Variants in NT5DC1 observed in about 807,000 individuals in gnomAD.
NT5DC1 encodes 5'-nucleotidase domain containing 1.
NT5DC1 carries 42 observed loss-of-function variants against 59.4 expected under a neutral mutation model. The observed-to-expected ratio is 0.71, with a 90% CI of 0.55 to 0.92. NT5DC1 has a LOEUF of 0.92. Ranked by LOEUF, NT5DC1 falls within the 40% of genes least tolerant of loss-of-function variation. NT5DC1 has a pLI of 0.00. For synonymous variants in NT5DC1, 172 were observed against 188.1 expected (o/e 0.91, Z 0.70); for missense variants, 501 against 537.1 (o/e 0.93, Z 0.66).
chr6:116,130,281 T>A lies in NT5DC1; in HGVS notation c.529+12336T>A, dbSNP rs144027320. 2.0e-3 allele frequency among the ~76,000 whole-genome samples: 297 copies of A among 151,994 alleles called. 1 individual carries two copies. Among genetic ancestry groups the A allele is most frequent in the African/African-American group, 6.8e-3 (281 of 41,450 alleles). On this transcript the variant is annotated intron_variant, in intron 6 of 11. Coordinates refer to ENST00000319550, the MANE Select transcript of NT5DC1 (RefSeq NM_152729.3). ...TCCTCCACAGGTGTAGTGAGGAAAG[T>A]GTGTGTGTTTATCATTATAAACATT...
At chr6:116,172,386 A>G (rs975297503) in intron 6 of NT5DC1, among the ~76,000 whole-genome samples, 2 of 148,754 alleles carry the variant, frequency 1.3e-5, no homozygotes, top group African/African-American at 2.5e-5. Context: ...CAGTGCCACA[A>G]TCTTGGCTCG....
At chr6:116,146,318 G>A (rs1040344958) in intron 6 of NT5DC1, among the ~76,000 whole-genome samples, 10 of 152,150 alleles carry the variant, frequency 6.6e-5, no homozygotes, top group East Asian at 1.9e-4. Flanking sequence ...AGTAGGTGGC[G>A]TCAACCTGTG....
chr6:116,218,644 AT>A (rs1781734248), intron 6 of NT5DC1, among the ~76,000 whole-genome samples: 3 of 152,206 alleles, frequency 2.0e-5, no homozygotes, highest in South Asian at 4.1e-4. Context: ...ATATATTTTA[AT>A]TTTTTTAAAG....
In NT5DC1 at chr6:116,246,074, T is replaced by C. The variant is rs2114570791; in HGVS notation, c.*2050T>C. 1 of 152,116 alleles carries C rather than the reference T, an allele frequency of 6.6e-6. No homozygotes were observed. The highest frequency in any genetic ancestry group is 6.5e-5 in the Admixed American group (1 of 15,272). The allele number at this position is 152,116 out of a possible 1,614,324, so 9.4% of individuals were successfully genotyped here. On this transcript the variant is annotated 3_prime_UTR_variant, in exon 12 of 12. Coordinates refer to ENST00000319550, the MANE Select transcript of NT5DC1 (RefSeq NM_152729.3). The stretch of plus-strand genomic sequence containing the variant: ...TTTCATTCTTTGTAAAGAGTGCCAA[T>C]GGATATGAAGATTAAAAATAATCCA...
At chr6:116,204,010 C>T (rs927719944) in intron 6 of NT5DC1, among the ~76,000 whole-genome samples, 8 of 151,862 alleles carry the variant, frequency 5.3e-5, no homozygotes, top group African/African-American at 1.7e-4. Context: ...CCCAGCTCTC[C>T]ATAGACCCGC....
chr6:116,111,319 T>C (rs1778871631), intron 4 of NT5DC1, among the ~76,000 whole-genome samples: 1 of 152,216 alleles, frequency 6.6e-6, no homozygotes, highest in Non-Finnish European at 1.5e-5. Flanking sequence ...GCATTCACAT[T>C]ACCTACCACT....
intron 6 of NT5DC1, among the ~76,000 whole-genome samples, chr6:116,143,495 AG>A (rs1232707269): frequency 6.6e-6 from 1 of 152,122 alleles, no homozygotes; most frequent in African/African-American, 2.4e-5. Context: ...TACAGGCTTG[AG>A]CCACTGTGCC....
intron 6 of NT5DC1, among the ~76,000 whole-genome samples, chr6:116,133,346 T>C (rs1355289644): frequency 1.3e-5 from 2 of 152,190 alleles, no homozygotes. Flanking sequence ...GGAGAAATTA[T>C]AGCAAATTAA....
intron 6 of NT5DC1, among the ~76,000 whole-genome samples, chr6:116,129,220 A>G (rs1779403924): frequency 6.6e-6 from 1 of 152,220 alleles, no homozygotes; most frequent in African/African-American, 2.4e-5. Flanking sequence ...AGACATGTAT[A>G]TACACAAACA....
intron 8 of NT5DC1, among the ~76,000 whole-genome samples, chr6:116,223,849 T>C (rs1225895348): frequency 6.6e-6 from 1 of 152,160 alleles, no homozygotes; most frequent in East Asian, 1.9e-4. Flanking sequence ...CTAAAATAAA[T>C]CCAGGATGGT....
At chr6:116,106,121 T>G (rs1778762216) in intron 1 of NT5DC1, 123 bp from the exon 2 acceptor site, 1 of 705,460 alleles carries the variant, frequency 1.4e-6, no homozygotes, top group East Asian at 2.6e-5. Context: ...AACTTCACAA[T>G]TACAGATATT....
rs1778806029 is a variant in NT5DC1 at position 116,108,370 on chromosome 6, A to AG, written c.194dup (p.Leu66PhefsTer12). ...TCAAACTTTCCTATTTCAGTTGCAAAGGTTTGGCATTGGATCTAGAAGATG... is the reference window on the plus strand; with the variant it reads ...TCAAACTTTCCTATTTCAGTTGCAAAGGGTTTGGCATTGGATCTAGAAGATG... On this transcript the variant is annotated frameshift_variant, in exon 3 of 12. Coordinates refer to ENST00000319550, the MANE Select transcript of NT5DC1 (RefSeq NM_152729.3). LOFTEE classifies it high-confidence loss of function. The AG allele has an allele frequency of 6.3e-7, 1 of 1,599,046 alleles. No homozygotes were observed. The highest frequency in any genetic ancestry group is 1.3e-5 in the African/African-American group (1 of 74,606).
chr6:116,119,139 G>A (rs1203810129), intron 6 of NT5DC1: 2 of 152,622 alleles, frequency 1.3e-5, no homozygotes, highest in African/African-American at 2.4e-5. Context: ...ATACAGTACA[G>A]TGCATAAATA....
chr6:116,121,475 G>C (rs1369387732), intron 6 of NT5DC1: 1 of 1,614,162 alleles, frequency 6.2e-7, no homozygotes, highest in Non-Finnish European at 8.5e-7. Flanking sequence ...AGGAGGGCCA[G>C]ATGGTCCTGT....
rs148470736 is a variant in NT5DC1 at position 116,233,530 on chromosome 6, T to C, written c.803-3436T>C. On this transcript the variant is annotated intron_variant, in intron 8 of 11. Transcript: ENST00000319550. Reference sequence around the variant, plus strand: ...TTTATTCTGTGCTTTAGTTGTTTCCTGTTTGTGGCAATACCATGGGACACA... The same window carrying C: ...TTTATTCTGTGCTTTAGTTGTTTCCCGTTTGTGGCAATACCATGGGACACA... Among the ~76,000 whole-genome samples, 377 of 152,338 alleles carry C rather than the reference T, an allele frequency of 2.5e-3. 1 individual carries two copies. Among genetic ancestry groups the C allele is most frequent in the Non-Finnish European group, 4.5e-3 (305 of 68,020 alleles).
chr6:116,151,062 G>A (rs1006862147), intron 6 of NT5DC1, among the ~76,000 whole-genome samples: 4 of 152,126 alleles, frequency 2.6e-5, no homozygotes, highest in African/African-American at 9.7e-5. Flanking sequence ...TGACATCTCT[G>A]AGTTTTTATT....
At chr6:116,212,019 G>T (rs1483239044) in intron 6 of NT5DC1, among the ~76,000 whole-genome samples, 1 of 152,024 alleles carries the variant, frequency 6.6e-6, no homozygotes, top group Non-Finnish European at 1.5e-5. Context: ...CTCAAGCAAT[G>T]TTGCAGAGTA....
intron 6 of NT5DC1, among the ~76,000 whole-genome samples, chr6:116,166,320 A>G (rs553754957): frequency 6.6e-6 from 1 of 152,152 alleles, no homozygotes; most frequent in East Asian, 1.9e-4. Context: ...GACATCCAAA[A>G]TCCCTAGTCA....
chr6:116,239,596 T>A (rs938278154), intron 11 of NT5DC1, among the ~76,000 whole-genome samples: 5 of 152,174 alleles, frequency 3.3e-5, no homozygotes, highest in African/African-American at 1.2e-4. Flanking sequence ...TACTTTAGAA[T>A]AAGGATGAAT....
Sources: allele counts gnomAD v4.1 joint callset (sites outside exome capture counted in the v4.1 genomes callset), GRCh38; gene constraint gnomAD v4.1.1; transcripts MANE v1.5; gene names NCBI Gene and HGNC (gene_info 2026-07-23, HGNC 2026-07-21).